FHIT: variants seen among roughly 807,000 people sequenced by gnomAD.
FHIT encodes fragile histidine triad diadenosine triphosphatase.
A neutral mutation model predicts 17.9 loss-of-function variants in FHIT; 19 were observed. The ratio of observed to expected loss-of-function variants is 1.06; its 90% CI spans 0.74 to 1.56. The LOEUF is 1.56. Among genes scored for constraint, FHIT ranks in the 40% most tolerant of loss-of-function variants. The pLI is 0.00. For missense variants in FHIT, 248 were observed against 189.2 expected, an observed-to-expected ratio of 1.31 and a Z score of -1.82; for synonymous variants, 81 against 69.7, an observed-to-expected ratio of 1.16 and a Z score of -0.81.
At chr3:59,837,272 C>T (rs2106731538) in intron 8 of FHIT, among the ~76,000 whole-genome samples, 1 of 152,256 alleles carries the variant, frequency 6.6e-6, no homozygotes, top group African/African-American at 2.4e-5. Context: ...TGCCAAAATG[C>T]ACGGATGTTC....
chr3:60,204,404 G>C (rs1351299072), intron 5 of FHIT, among the ~76,000 whole-genome samples: 2 of 151,828 alleles, frequency 1.3e-5, no homozygotes, highest in African/African-American at 4.8e-5. Context: ...TGAGTAGCTG[G>C]GATTACAAGC....
At chr3:59,847,805 ATAAACT>A (rs1306320850) in intron 8 of FHIT, among the ~76,000 whole-genome samples, 1 of 152,174 alleles carries the variant, frequency 6.6e-6, no homozygotes, top group Non-Finnish European at 1.5e-5. Flanking sequence ...ACTCTGAGGT[ATAAACT>A]TAAAGTCTTT....
rs921708135 is a variant in FHIT, at chr3:60,950,382, A to G, written c.-111+91665T>C. 3.9e-5 allele frequency among the ~76,000 whole-genome samples: 6 copies of G among 152,334 alleles called. No homozygotes were observed. The South Asian group carries it at 1.2e-3, about 32-fold the overall frequency. On this transcript the variant is annotated intron_variant, in intron 3 of 9. Coordinates refer to ENST00000492590, the MANE Select transcript of FHIT (RefSeq NM_002012.4). ...TTTGACAAACATTCATTGGTCAGCC[A>G]TCTTCCATTCATAACCTCTTCTCTC...
At chr3:60,618,852 G>A (rs2039031215) in intron 4 of FHIT, among the ~76,000 whole-genome samples, 1 of 152,238 alleles carries the variant, frequency 6.6e-6, no homozygotes, top group Admixed American at 6.5e-5. Context: ...TGAAGGAGGT[G>A]AAAAGGAGGC....
intron 1 of FHIT, among the ~76,000 whole-genome samples, chr3:61,249,609 T>C (rs1018770880): frequency 2.1e-4 from 32 of 152,328 alleles, no homozygotes; most frequent in African/African-American, 7.7e-4. Context: ...TTGAACAAGT[T>C]ACTTAACTTT....
At chr3:60,893,674 T>G (rs1239953694) in intron 3 of FHIT, among the ~76,000 whole-genome samples, 2 of 152,130 alleles carry the variant, frequency 1.3e-5, no homozygotes, top group Non-Finnish European at 2.9e-5. Context: ...GGCAACCACA[T>G]CTCTCCAAGC....
At chr3:59,927,085 T>C (rs567233452) in intron 7 of FHIT, among the ~76,000 whole-genome samples, 56 of 152,202 alleles carry the variant, frequency 3.7e-4, no homozygotes, top group Middle Eastern at 3.4e-3. Context: ...GACTATCAAC[T>C]GATCAATGGT....
chr3:59,998,224 G>A (rs974847442), intron 7 of FHIT, among the ~76,000 whole-genome samples: 2 of 152,154 alleles, frequency 1.3e-5, no homozygotes, highest in Non-Finnish European at 2.9e-5. Context: ...CTGAGGCCAG[G>A]GCCGCAGATG....
intron 7 of FHIT, among the ~76,000 whole-genome samples, chr3:59,973,435 C>G (rs141720231): frequency 6.7e-4 from 102 of 152,214 alleles, no homozygotes; most frequent in African/African-American, 2.4e-3. Context: ...GCCCTCTGCA[C>G]ATGCTGTATC....
intron 5 of FHIT, among the ~76,000 whole-genome samples, chr3:60,294,129 A>T (rs1708103278): frequency 6.6e-6 from 1 of 152,172 alleles, no homozygotes; most frequent in African/African-American, 2.4e-5. Flanking sequence ...TACAGGACTT[A>T]AAAAAGCATA....
intron 7 of FHIT, among the ~76,000 whole-genome samples, chr3:59,978,817 A>G (rs1708525723): frequency 6.6e-6 from 1 of 151,626 alleles, no homozygotes; most frequent in African/African-American, 2.4e-5. Flanking sequence ...GGGACCTTAA[A>G]AAAAGGCTAA....
chr3:60,042,165 C>T (rs1701467850), intron 5 of FHIT, among the ~76,000 whole-genome samples: 1 of 152,176 alleles, frequency 6.6e-6, no homozygotes, highest in Non-Finnish European at 1.5e-5. Flanking sequence ...AATCAATCCC[C>T]CAGGAAAAGG....
At chr3:59,807,342 C>G (rs760934076) in intron 8 of FHIT, among the ~76,000 whole-genome samples, 4 of 152,220 alleles carry the variant, frequency 2.6e-5, no homozygotes, top group Non-Finnish European at 5.9e-5. Flanking sequence ...ACTTCCAGCT[C>G]AGTGGGTATT....
intron 5 of FHIT, among the ~76,000 whole-genome samples, chr3:60,121,710 AC>A (rs1443303293): frequency 0.03 from 479 of 16,102 alleles, 6 homozygotes; most frequent in African/African-American, 0.068. Flanking sequence ...AACAAAACAA[AC>A]ACACACACAC....
chr3:59,998,538 T>C (rs1408872205), intron 7 of FHIT, among the ~76,000 whole-genome samples: 1 of 152,128 alleles, frequency 6.6e-6, no homozygotes, highest in Non-Finnish European at 1.5e-5. Context: ...ATTCATTTAC[T>C]AGATGGTGAA....
At chr3:60,450,260 C>T (rs890216486) in intron 5 of FHIT, among the ~76,000 whole-genome samples, 4 of 151,914 alleles carry the variant, frequency 2.6e-5, no homozygotes, top group African/African-American at 9.7e-5. Context: ...ACAATGTCTA[C>T]GTCAACACTG....
intron 4 of FHIT, among the ~76,000 whole-genome samples, chr3:60,748,323 ATG>A (rs1220418366): frequency 6.6e-6 from 1 of 152,208 alleles, no homozygotes; most frequent in Non-Finnish European, 1.5e-5. Context: ...AAGTTTATTT[ATG>A]TGCATATGGA....
intron 8 of FHIT, among the ~76,000 whole-genome samples, chr3:59,914,202 CTTTTTT>C (rs61018838): frequency 6.6e-6 from 1 of 150,738 alleles, no homozygotes; most frequent in Non-Finnish European, 1.5e-5. Context: ...GAGATATTTA[CTTTTTT>C]TTTGGTAGAA....
intron 3 of FHIT, among the ~76,000 whole-genome samples, chr3:60,980,244 TA>T (rs1271923247): frequency 2.0e-5 from 3 of 151,824 alleles, no homozygotes; most frequent in Non-Finnish European, 4.4e-5. Flanking sequence ...ATAAGAAGGA[TA>T]AAAAAAATAA....
Sources: gnomAD v4.1 joint callset for allele counts (sites outside exome capture counted in the v4.1 genomes callset) on GRCh38, gnomAD v4.1.1 for gene constraint, MANE v1.5 for transcripts, NCBI Gene and HGNC (gene_info 2026-07-23, HGNC 2026-07-21) for gene names.